The following GPN3 variants were observed in gnomAD, a reference collection of about 807,000 sequenced individuals.
GPN3 encodes the protein ATP-binding domain 1 family member C.
GPN3 carries 31 observed loss-of-function variants against 38.7 expected under a neutral mutation model. The ratio of observed to expected loss-of-function variants is 0.80; its 90% CI spans 0.60 to 1.08. The LOEUF (loss-of-function observed/expected upper bound fraction) is 1.08, where lower values mean the gene tolerates loss of function less well. Among genes scored for constraint, GPN3 ranks in the 50% least tolerant of loss-of-function variants. The pLI, the probability that GPN3 is intolerant of heterozygous loss-of-function variation, is 0.00. For synonymous variants in GPN3, 116 were observed against 120.2 expected (o/e 0.96, Z 0.23); for missense variants, 301 against 354.4 (o/e 0.85, Z 1.21).
chr12:110,458,788 A>G lies in GPN3; in HGVS notation c.325+907T>C, dbSNP rs1319328548. ...GGAATGAAACTCAGTCTCAAAAAAA[A>G]GAAAAAAAAAAAAGAAAATTCACGA... On this transcript the variant is annotated intron_variant, in intron 3 of 7. Coordinates refer to ENST00000228827, the MANE Select transcript of GPN3 (RefSeq NM_016301.4). This position sits in a 1 kb window ranked among gnomAD's most constrained non-coding sequence, Gnocchi z 4.4. Among the ~76,000 whole-genome samples, 2 of 151,964 alleles carry G rather than the reference A, an allele frequency of 1.3e-5. No homozygotes were observed. Among genetic ancestry groups the G allele is most frequent in the African/African-American group, 4.8e-5 (2 of 41,348 alleles).
rs1190864117 is a variant in GPN3 at position 110,468,227 on chromosome 12, A to G, written c.-24T>C. On this transcript the variant is annotated 5_prime_UTR_variant, in exon 1 of 8. Transcript: ENST00000228827. Reference sequence around the variant, plus strand: ...ATGTTGGCTCCCGGAGCCGCCCGCCACACTCCCTTAGCCTTCGCGCGACGC... The same window carrying G: ...ATGTTGGCTCCCGGAGCCGCCCGCCGCACTCCCTTAGCCTTCGCGCGACGC... 3 of 1,607,976 alleles carry G rather than the reference A, an allele frequency of 1.9e-6. No homozygotes were observed. Among genetic ancestry groups the G allele is most frequent in the South Asian group, 1.1e-5 (1 of 91,064 alleles).
At chr12:110,460,872 G>T (rs2062582502) in intron 2 of GPN3, 2 of 642,786 alleles carry the variant, frequency 3.1e-6, no homozygotes, top group South Asian at 3.6e-5. Context: ...GCTGAGGCAG[G>T]AGAATCACTT....
chr12:110,461,840 A>T (rs1937877981), intron 2 of GPN3, among the ~76,000 whole-genome samples: 1 of 152,142 alleles, frequency 6.6e-6, no homozygotes, highest in Non-Finnish European at 1.5e-5. Context: ...TGGGACAATC[A>T]ATCTGGCTTT....
At chr12:110,457,224 T>C (rs1221761149) in intron 4 of GPN3, among the ~76,000 whole-genome samples, 1 of 151,538 alleles carries the variant, frequency 6.6e-6, no homozygotes, top group Non-Finnish European at 1.5e-5. Flanking sequence ...GGCAGGTGGA[T>C]CACTTGATGT....
chr12:110,465,110 C>T lies in GPN3; in HGVS notation c.153G>A (p.Met51Ile). The T allele has an allele frequency of 6.4e-7, 1 of 1,559,274 alleles. No individual in the cohort carries two copies. The highest frequency in any genetic ancestry group is 8.9e-7 in the Non-Finnish European group (1 of 1,129,838). Residue 51 changes from methionine to isoleucine, a missense_variant, in exon 2 of 8, where the codon ATG becomes ATA. Transcript: ENST00000228827. ...GAGCCTTTGCTCAGGACTTACCAGC[C>T]ATCACGGAGTAGTTGAAGTGTTCTG... ...PAAEHFNYSV[M>I]ADIRELIEVD...
Position 110,458,551 on chromosome 12 carries a change from C to T in GPN3, c.326-917G>A, listed in dbSNP as rs1320070458. Reference sequence around the variant, plus strand: ...AATCCCAGCATTTGGGAGGCCGAGGCAGGTGAATCACCTAAGGTCCAGAGT... The same window carrying T: ...AATCCCAGCATTTGGGAGGCCGAGGTAGGTGAATCACCTAAGGTCCAGAGT... On this transcript the variant is annotated intron_variant, in intron 3 of 7. Coordinates refer to ENST00000228827, the MANE Select transcript of GPN3 (RefSeq NM_016301.4). This position sits in a 1 kb window ranked among gnomAD's most constrained non-coding sequence, Gnocchi z 4.4. 6.6e-6 allele frequency among the ~76,000 whole-genome samples: 1 copy of T among 152,096 alleles called. No homozygotes were observed. Among genetic ancestry groups the T allele is most frequent in the Admixed American group, 6.6e-5 (1 of 15,260 alleles).
chr12:110,455,592 A>C lies in GPN3; in HGVS notation c.657T>G (p.Cys219Trp), dbSNP rs568124166. 1.5e-6 allele frequency: 2 copies of C among 1,366,998 alleles called. No homozygotes were observed. Among genetic ancestry groups the C allele is most frequent in the South Asian group, 1.2e-5 (1 of 84,798 alleles). The allele number at this position is 1,366,998 out of a possible 1,614,324, so 84.7% of individuals were successfully genotyped here. Residue 219 changes from cysteine (C) to tryptophan (W), a missense_variant, in exon 6 of 8, where the codon TGT becomes TGG. Transcript: ENST00000228827. Reference sequence around the variant, plus strand: ...CCAAACTTTAAAAGCTTACCAGTCCACATATAGCTTTAGTCAGTTTCTTGA... The same window carrying C: ...CCAAACTTTAAAAGCTTACCAGTCCCCATATAGCTTTAGTCAGTTTCTTGA... ...KKFKKLTKAI[C>W]GLIDDYSMVR...
chr12:110,456,753 A>G (rs578138541), intron 4 of GPN3, among the ~76,000 whole-genome samples: 1 of 149,850 alleles, frequency 6.7e-6, no homozygotes, highest in South Asian at 2.1e-4. Context: ...CAATGGTGCG[A>G]TCTTGGCGAT....
At chr12:110,467,944 C>T (rs2062647816) in intron 1 of GPN3, among the ~76,000 whole-genome samples, 1 of 152,142 alleles carries the variant, frequency 6.6e-6, no homozygotes, top group African/African-American at 2.4e-5. Flanking sequence ...CATCTGCTGC[C>T]TGGGGCTTAA....
upstream of GPN3, chr12:110,468,342 C>G (rs563493138): frequency 4.5e-6 from 7 of 1,542,466 alleles, no homozygotes; most frequent in Non-Finnish European, 6.1e-6. Flanking sequence ...TACTACGGGG[C>G]AGCCCGCGGG....
rs143365408 is a variant in GPN3, at chr12:110,465,116, G to C, written c.147C>G (p.Ser49=). Residue 49 remains serine (S), a synonymous_variant, in exon 2 of 8, where the codon TCC becomes TCG. Transcript: ENST00000228827. ...LDPAAEHFNY[S]VMADIRELIE... ...TTGCTCAGGACTTACCAGCCATCAC[G>C]GAGTAGTTGAAGTGTTCTGCTGCTG... 1.9e-6 allele frequency: 3 copies of C among 1,575,284 alleles called. No individual in the cohort carries two copies. Among genetic ancestry groups the C allele is most frequent in the South Asian group, 1.1e-5 (1 of 90,352 alleles).
rs1433182717 is a variant in GPN3 at position 110,458,608 on chromosome 12, C to G, written c.326-974G>C. ...CCAGCCTGGCCAACACAGTGAAACC[C>G]TGTCTCTACTAAAAATACAAAAATA... On this transcript the variant is annotated intron_variant, in intron 3 of 7. Coordinates refer to ENST00000228827, the MANE Select transcript of GPN3 (RefSeq NM_016301.4). The surrounding 1 kb of genome is among the most constrained non-coding windows in gnomAD (Gnocchi z 4.4). 6.6e-6 allele frequency among the ~76,000 whole-genome samples: 1 copy of G among 152,018 alleles called. No individual in the cohort carries two copies. The highest frequency in any genetic ancestry group is 1.5e-5 in the Non-Finnish European group (1 of 68,004).
In GPN3 at chr12:110,453,098, T is replaced by C; in HGVS notation, c.793-2A>G. ...AGAGGAAGACTCATCTTCACGTTCC[T>C]GACACAATGGAAACACAAAATAGAA... On this transcript the variant is annotated splice_acceptor_variant, in intron 7 of 7. Transcript: ENST00000228827. LOFTEE classifies it high-confidence loss of function. 1.5e-6 allele frequency: 2 copies of C among 1,361,346 alleles called. No individual in the cohort carries two copies. The highest frequency in any genetic ancestry group is 1.4e-5 in the African/African-American group (1 of 70,020). The allele number at this position is 1,361,346 out of a possible 1,614,324, so 84.3% of individuals were successfully genotyped here. A position where few individuals can be genotyped will look rare whatever the true frequency, so the allele number is the denominator to read the frequency against.
At chr12:110,455,216 C>T (rs528442661) in intron 6 of GPN3, among the ~76,000 whole-genome samples, 7 of 152,084 alleles carry the variant, frequency 4.6e-5, no homozygotes, top group South Asian at 2.1e-4. Context: ...CTCCGCCTCC[C>T]GAGTTCAAGT....
chr12:110,455,957 A>G (rs1357999795), intron 4 of GPN3, 27 bp from the exon 5 acceptor site: 1 of 1,185,408 alleles, frequency 8.4e-7, no homozygotes, highest in South Asian at 1.2e-5. Context: ...AAAAGGGAAG[A>G]TGAACTGACT....
intron 1 of GPN3, among the ~76,000 whole-genome samples, chr12:110,466,886 A>C (rs2062633070): frequency 6.6e-6 from 1 of 152,008 alleles, no homozygotes; most frequent in African/African-American, 2.4e-5. Flanking sequence ...TAGGTATCTT[A>C]GTTACATGTA....
At chr12:110,461,097 G>A in intron 2 of GPN3, 3 of 1,438,754 alleles carry the variant, frequency 2.1e-6, no homozygotes, top group South Asian at 2.3e-5. Flanking sequence ...TATGGAGTGG[G>A]CTTCAAGAAG....
intron 2 of GPN3, chr12:110,461,253 C>A: frequency 7.5e-7 from 1 of 1,326,894 alleles, no homozygotes; most frequent in Non-Finnish European, 1.1e-6. Context: ...GTGCAGCTGT[C>A]CAGAAAACGT....
In GPN3 at chr12:110,455,627, T is replaced by C; in HGVS notation, c.622A>G (p.Ser208Gly). 1 of 1,461,086 alleles carries C rather than the reference T, an allele frequency of 6.8e-7. No individual in the cohort carries two copies. Among genetic ancestry groups the C allele is most frequent in the Non-Finnish European group, 9.6e-7 (1 of 1,042,926 alleles). 90.5% of individuals were successfully genotyped at this position (1,461,086 alleles called of 1,614,324 possible). A position where few individuals can be genotyped will look rare whatever the true frequency, so the allele number is the denominator to read the frequency against. The change falls in exon 6 of 8, where the codon AGC becomes GGC. Residue 208 changes from serine to glycine, a missense_variant. By Grantham distance (56) the Ser-to-Gly change is moderately conservative (BLOSUM62 0). Coordinates refer to ENST00000228827, the MANE Select transcript of GPN3 (RefSeq NM_016301.4). ...TTAGTCAGTTTCTTGAATTTTTTGC[T>C]TCTTAAGTCACTTGTAGAATCTTCT... ...LLEDSTSDLR[S>G]KKFKKLTKAI...
Sources: allele counts gnomAD v4.1 joint callset (sites outside exome capture counted in the v4.1 genomes callset), GRCh38; gene constraint gnomAD v4.1.1; non-coding constraint Gnocchi (gnomAD v3.1); transcripts MANE v1.5; gene names NCBI Gene and HGNC (gene_info 2026-07-23, HGNC 2026-07-21).